The following ADGRL2 variants were observed in gnomAD, a reference collection of about 807,000 sequenced individuals.
ADGRL2 encodes adhesion G protein-coupled receptor L2.
A neutral mutation model predicts 157.4 loss-of-function variants in ADGRL2; 44 were observed. The observed-to-expected ratio is 0.28, with a 90% CI of 0.22 to 0.36. The LOEUF (loss-of-function observed/expected upper bound fraction) is 0.36, where lower values mean the gene tolerates loss of function less well. Among genes scored for constraint, ADGRL2 ranks in the 10% least tolerant of loss-of-function variants. The pLI, the probability that ADGRL2 is intolerant of heterozygous loss-of-function variation, is 1.00. For synonymous variants in ADGRL2, 585 were observed against 624.7 expected, an observed-to-expected ratio of 0.94 and a Z score of 0.95; for missense variants, 1,510 against 1,768.9, an observed-to-expected ratio of 0.85 and a Z score of 2.63.
intron 1 of ADGRL2, among the ~76,000 whole-genome samples, chr1:81,745,100 A>G (rs533902875): frequency 6.6e-6 from 1 of 152,308 alleles, no homozygotes; most frequent in East Asian, 1.9e-4. Flanking sequence ...GATGACAAAT[A>G]TGAGAGACTT....
intron 2 of ADGRL2, among the ~76,000 whole-genome samples, chr1:81,847,440 TG>T (rs2092835622): frequency 6.6e-6 from 1 of 151,964 alleles, no homozygotes; most frequent in Non-Finnish European, 1.5e-5. Context: ...AGAGTTTACA[TG>T]ACAGTGACTT....
intron 3 of ADGRL2, among the ~76,000 whole-genome samples, chr1:81,616,436 G>A (rs535025323): frequency 1.3e-5 from 2 of 152,136 alleles, no homozygotes; most frequent in South Asian, 2.1e-4. Context: ...ATTGGGGCTC[G>A]ATTTCTTCTC....
At chr1:81,910,918 G>GC (rs2094705753) in intron 3 of ADGRL2, among the ~76,000 whole-genome samples, 1 of 151,396 alleles carries the variant, frequency 6.6e-6, no homozygotes, top group African/African-American at 2.4e-5. Context: ...AAATTTGAAA[G>GC]CCCCCCTTCC....
intron 3 of ADGRL2, among the ~76,000 whole-genome samples, chr1:81,908,838 T>C (rs1016911698): frequency 2.6e-5 from 4 of 152,036 alleles, no homozygotes; most frequent in African/African-American, 7.2e-5. Context: ...GATATACTTA[T>C]TGTATACTTA....
chr1:81,523,094 C>T (rs1241896395), intron 2 of ADGRL2, among the ~76,000 whole-genome samples: 1 of 151,930 alleles, frequency 6.6e-6, no homozygotes, highest in African/African-American at 2.4e-5. Flanking sequence ...CACTATATGA[C>T]GGAAGTTCAA....
chr1:81,490,117 G>A (rs889161321), intron 2 of ADGRL2, among the ~76,000 whole-genome samples: 5 of 149,846 alleles, frequency 3.3e-5, no homozygotes, highest in African/African-American at 4.9e-5. Flanking sequence ...TGATTTGAGC[G>A]ACTTAACATA....
chr1:81,457,742 T>C (rs534639785), intron 2 of ADGRL2, among the ~76,000 whole-genome samples: 6 of 152,218 alleles, frequency 3.9e-5, no homozygotes, highest in Non-Finnish European at 8.8e-5. Flanking sequence ...ATGAAAGTTA[T>C]GATATTTTCA....
chr1:81,649,431 T>A (rs2082371017), intron 3 of ADGRL2, among the ~76,000 whole-genome samples: 1 of 152,208 alleles, frequency 6.6e-6, no homozygotes, highest in Non-Finnish European at 1.5e-5. Flanking sequence ...GGAAATCTTT[T>A]AATGTGGAAA....
intron 3 of ADGRL2, among the ~76,000 whole-genome samples, chr1:81,689,701 C>T (rs1469460935): frequency 3.3e-5 from 5 of 152,082 alleles, no homozygotes; most frequent in Non-Finnish European, 7.3e-5. Context: ...CAGAATGCAG[C>T]GATGGAACTT....
chr1:81,350,385 A>G (rs904666057), intron 1 of ADGRL2, among the ~76,000 whole-genome samples: 2 of 152,232 alleles, frequency 1.3e-5, no homozygotes, highest in Non-Finnish European at 2.9e-5. Context: ...GAACATTTGT[A>G]AAAGAGTTGT....
At chr1:81,777,044 A>C (rs1396761580) in intron 2 of ADGRL2, among the ~76,000 whole-genome samples, 1 of 152,208 alleles carries the variant, frequency 6.6e-6, no homozygotes, top group Non-Finnish European at 1.5e-5. Flanking sequence ...CAGGCTAAAA[A>C]TTCCCAATTC....
At chr1:81,675,931 G>T (rs989780196) in intron 3 of ADGRL2, among the ~76,000 whole-genome samples, 7 of 152,016 alleles carry the variant, frequency 4.6e-5, no homozygotes, top group African/African-American at 1.7e-4. Flanking sequence ...TTTTAAATTG[G>T]TCCTAACACC....
At chr1:81,974,150 G>T (rs1351409046) in intron 17 of ADGRL2, among the ~76,000 whole-genome samples, 1 of 152,098 alleles carries the variant, frequency 6.6e-6, no homozygotes, top group Non-Finnish European at 1.5e-5. Context: ...TTAAATAGGT[G>T]TACATTCTAA....
chr1:81,743,730 A>C (rs1437172004), intron 1 of ADGRL2, among the ~76,000 whole-genome samples: 1 of 152,044 alleles, frequency 6.6e-6, no homozygotes, highest in East Asian at 1.9e-4. Context: ...TATGATGTTC[A>C]CATGCAATTT....
chr1:81,684,808 A>G lies in ADGRL2; in HGVS notation c.-142-77003A>G, dbSNP rs1254686557. On this transcript the variant is annotated intron_variant, in intron 3 of 24. Transcript: ENST00000370721. ...CAATCCATCTTGAGTTGATATTTGT[A>G]TAAGGTAAGAGATGAGGATCCAGTT... Among the ~76,000 whole-genome samples, 23 of 152,204 alleles carry G rather than the reference A, an allele frequency of 1.5e-4. 1 individual carries two copies. Among genetic ancestry groups the G allele is most frequent in the Admixed American group, 6.5e-5 (1 of 15,282 alleles).
intron 1 of ADGRL2, among the ~76,000 whole-genome samples, chr1:81,802,790 G>A (rs1488257368): frequency 6.6e-6 from 1 of 152,192 alleles, no homozygotes; most frequent in Non-Finnish European, 1.5e-5. Flanking sequence ...GAAGTGGACG[G>A]TGGGGGAGGG....
chr1:81,562,483 ATG>A (rs2080465409), intron 2 of ADGRL2, among the ~76,000 whole-genome samples: 1 of 126,556 alleles, frequency 7.9e-6, no homozygotes. Flanking sequence ...AAACTTTTTT[ATG>A]TGTCAATTTA....
chr1:81,479,931 T>C (rs1418960964), intron 2 of ADGRL2, among the ~76,000 whole-genome samples: 1 of 152,240 alleles, frequency 6.6e-6, no homozygotes, highest in Non-Finnish European at 1.5e-5. Flanking sequence ...AATGATACCT[T>C]AAGTTGCAAC....
intron 2 of ADGRL2, among the ~76,000 whole-genome samples, chr1:81,874,171 T>C (rs184837257): frequency 6.6e-6 from 1 of 152,152 alleles, no homozygotes; most frequent in Non-Finnish European, 1.5e-5. Context: ...GCCATTTCAG[T>C]CTTCATGGCT....
Sources: allele counts gnomAD v4.1 joint callset (sites outside exome capture counted in the v4.1 genomes callset), GRCh38; gene constraint gnomAD v4.1.1; transcripts MANE v1.5; gene names NCBI Gene and HGNC (gene_info 2026-07-23, HGNC 2026-07-21).